The following TRPS1 variants were observed in gnomAD, a reference collection of about 807,000 sequenced individuals.
TRPS1 encodes transcriptional repressor GATA binding 1.
In TRPS1, 6 loss-of-function variants were observed where a neutral mutation model predicts 101.2. That is an observed-to-expected ratio of 0.06 (90% CI 0.03 to 0.12). The LOEUF is 0.12. Among genes scored for constraint, TRPS1 ranks in the 10% least tolerant of loss-of-function variants. The pLI is 1.00. For synonymous variants in TRPS1, 578 were observed against 589.8 expected (o/e 0.98, Z 0.29); for missense variants, 1,363 against 1,567.0 (o/e 0.87, Z 2.20).
intron 5 of TRPS1, among the ~76,000 whole-genome samples, chr8:115,552,900 A>T (rs1489827929): frequency 6.6e-6 from 1 of 152,076 alleles, no homozygotes; most frequent in East Asian, 1.9e-4. Context: ...TCCACAGTGA[A>T]AGGTTCATCC....
chr8:115,551,514 G>T (rs992333005), intron 5 of TRPS1, among the ~76,000 whole-genome samples: 7 of 152,146 alleles, frequency 4.6e-5, no homozygotes, highest in African/African-American at 2.4e-5. Flanking sequence ...AAGTAAATGT[G>T]ACAAATGTAT....
At chr8:115,533,457 T>TTTTTTTTTTTTTTTTTTA (rs1816199762) in intron 5 of TRPS1, among the ~76,000 whole-genome samples, 1 of 133,568 alleles carries the variant, frequency 7.5e-6, no homozygotes, top group African/African-American at 2.9e-5. Context: ...TTTTTTTTTT[T>TTTTTTTTTTTTTTTTTTA]TTCCTGAAAA....
intron 5 of TRPS1, among the ~76,000 whole-genome samples, chr8:115,497,078 T>C (rs979724729): frequency 6.6e-6 from 1 of 152,240 alleles, no homozygotes; most frequent in Non-Finnish European, 1.5e-5. Context: ...TTCACTTTGC[T>C]CATGGGACTA....
At position 115,646,806 on chromosome 8, in the gene TRPS1, T is replaced by C. The variant is rs1819034792; in HGVS notation, c.-122+21739A>G. Among the ~76,000 whole-genome samples the C allele has an allele frequency of 2.0e-5, 3 of 152,156 alleles. No homozygotes were observed. The South Asian group carries it at 6.2e-4, about 31-fold the overall frequency. On this transcript the variant is annotated intron_variant, in intron 1 of 6. Transcript: ENST00000395715. The stretch of plus-strand genomic sequence containing the variant: ...AGGTCATGGTTTTCTCTTAAACATA[T>C]TACTTTAAAAAGAGTTGCCGTGCTA...
intron 1 of TRPS1, among the ~76,000 whole-genome samples, chr8:115,658,448 T>C (rs745937179): frequency 2.1e-4 from 32 of 152,142 alleles, no homozygotes; most frequent in Non-Finnish European, 3.8e-4. Flanking sequence ...TATCATGGAT[T>C]ATACAGTATC....
chr8:115,564,644 G>A (rs1271572222), intron 5 of TRPS1, among the ~76,000 whole-genome samples: 4 of 152,120 alleles, frequency 2.6e-5, no homozygotes, highest in East Asian at 3.9e-4. Context: ...CGTATGGGCC[G>A]CCAATTATTT....
intron 5 of TRPS1, among the ~76,000 whole-genome samples, chr8:115,548,091 G>A (rs554802157): frequency 1.3e-5 from 2 of 151,676 alleles, no homozygotes; most frequent in Non-Finnish European, 2.9e-5. Flanking sequence ...AAATAAGTCT[G>A]GTGTGGTTGG....
At chr8:115,533,530 T>C (rs898049555) in intron 5 of TRPS1, among the ~76,000 whole-genome samples, 2 of 144,694 alleles carry the variant, frequency 1.4e-5, no homozygotes, top group Admixed American at 7.5e-5. Flanking sequence ...GGTACCATGA[T>C]TACAGGGATT....
At chr8:115,464,789 A>T (rs143529116) in intron 5 of TRPS1, among the ~76,000 whole-genome samples, 3 of 152,238 alleles carry the variant, frequency 2.0e-5, no homozygotes, top group Admixed American at 2.0e-4. Context: ...TGTGTGCCTT[A>T]AATTTTTTCT....
intron 5 of TRPS1, among the ~76,000 whole-genome samples, chr8:115,465,934 A>G (rs1424868222): frequency 6.6e-6 from 1 of 152,184 alleles, no homozygotes; most frequent in Admixed American, 6.5e-5. Flanking sequence ...TGAACTTGAA[A>G]GTAGAGATTC....
intron 5 of TRPS1, among the ~76,000 whole-genome samples, chr8:115,583,880 GC>G (rs1817507785): frequency 1.3e-5 from 2 of 151,714 alleles, no homozygotes; most frequent in South Asian, 4.2e-4. Context: ...AAAACTAAAA[GC>G]CAAACACTGA....
intron 5 of TRPS1, among the ~76,000 whole-genome samples, chr8:115,470,326 G>T (rs1199402236): frequency 6.6e-6 from 1 of 152,122 alleles, no homozygotes; most frequent in Non-Finnish European, 1.5e-5. Flanking sequence ...ATAGCTATCA[G>T]AATTTGAAAA....
chr8:115,410,083 T>C lies in TRPS1; in HGVS notation c.*3940A>G, dbSNP rs1812754541. On this transcript the variant is annotated 3_prime_UTR_variant, in exon 7 of 7. Coordinates refer to ENST00000395715, the MANE Select transcript of TRPS1 (RefSeq NM_014112.5). ...CAGATATTCCCCCTCTAGAAATGCA[T>C]TAATTTTATTTACTAAACAGGGCAG... The C allele has an allele frequency of 6.6e-6, 1 of 152,070 alleles. No individual in the cohort carries two copies. Among genetic ancestry groups the C allele is most frequent in the Non-Finnish European group, 1.5e-5 (1 of 67,980 alleles). The allele number at this position is 152,070 out of a possible 1,614,324, so 9.4% of individuals were successfully genotyped here. A position where few individuals can be genotyped will look rare whatever the true frequency, so the allele number is the denominator to read the frequency against.
At chr8:115,591,107 C>T (rs1817671351) in intron 4 of TRPS1, among the ~76,000 whole-genome samples, 2 of 152,140 alleles carry the variant, frequency 1.3e-5, no homozygotes, top group African/African-American at 4.8e-5. Flanking sequence ...TAGCCTTTTA[C>T]TGCTTAATTG....
chr8:115,517,963 T>C (rs1194340347), intron 5 of TRPS1, among the ~76,000 whole-genome samples: 1 of 13,040 alleles, frequency 7.7e-5, no homozygotes, highest in Non-Finnish European at 1.4e-4. Context: ...ATACTAAAAC[T>C]GGATCCAGTA....
At chr8:115,417,975 T>G (rs375412549) in intron 6 of TRPS1, among the ~76,000 whole-genome samples, 1 of 152,224 alleles carries the variant, frequency 6.6e-6, no homozygotes, top group Non-Finnish European at 1.5e-5. Context: ...TTTCATTTTT[T>G]AAAACGTTTT....
chr8:115,422,851 A>T (rs1018946528), intron 5 of TRPS1, among the ~76,000 whole-genome samples: 1 of 152,070 alleles, frequency 6.6e-6, no homozygotes, highest in Non-Finnish European at 1.5e-5. Context: ...TACCTCCATC[A>T]CCTCGTGCCT....
intron 5 of TRPS1, among the ~76,000 whole-genome samples, chr8:115,492,491 GCGTGTT>G (rs1192715332): frequency 1.5e-5 from 2 of 132,858 alleles, no homozygotes; most frequent in Non-Finnish European, 3.5e-5. Flanking sequence ...GCGTGCGTGT[GCGTGTT>G]CGTGTGTGTG....
At chr8:115,479,921 T>G (rs1814708493) in intron 5 of TRPS1, among the ~76,000 whole-genome samples, 1 of 152,084 alleles carries the variant, frequency 6.6e-6, no homozygotes, top group South Asian at 2.1e-4. Flanking sequence ...AAGGACCAGA[T>G]AGCTTCACAA....
Sources: gnomAD v4.1 joint callset for allele counts (sites outside exome capture counted in the v4.1 genomes callset) on GRCh38, gnomAD v4.1.1 for gene constraint, MANE v1.5 for transcripts, NCBI Gene and HGNC (gene_info 2026-07-23, HGNC 2026-07-21) for gene names.